SRGN: variants seen among roughly 807,000 people sequenced by gnomAD.
SRGN encodes hematopoetic proteoglycan core peptide.
SRGN carries 2 observed loss-of-function variants against 9.5 expected under a neutral mutation model. The ratio of observed to expected loss-of-function variants is 0.21; its 90% CI spans 0.09 to 0.66. The LOEUF (loss-of-function observed/expected upper bound fraction) is 0.66. Ranked by LOEUF, SRGN falls within the 30% of genes least tolerant of loss-of-function variation. The probability of loss-of-function intolerance (pLI) is 0.83; values close to 1 mark genes in which losing one functional copy is unlikely to be tolerated. For synonymous variants in SRGN, 59 were observed against 72.3 expected, an observed-to-expected ratio of 0.82 and a Z score of 0.93; for missense variants, 170 against 192.4, an observed-to-expected ratio of 0.88 and a Z score of 0.69.
chr10:69,103,915 A>G lies in SRGN; in HGVS notation c.272A>G (p.Glu91Gly), dbSNP rs772851292. The change falls in exon 3 of 3, where the codon GAG becomes GGG. Residue 91 changes from glutamate to glycine, a missense_variant. By Grantham distance (98) the Glu-to-Gly change is moderately conservative. Coordinates refer to ENST00000242465, the MANE Select transcript of SRGN (RefSeq NM_002727.4). ...TTGAATCGTATCTTCCCACTTTCTG[A>G]GGACTACTCTGGATCAGGCTTCGGC... ...QDLNRIFPLSEDYSGSGFGSG... is the reference protein window; with the variant it reads ...QDLNRIFPLSGDYSGSGFGSG... 1 of 1,614,190 alleles carries G rather than the reference A, an allele frequency of 6.2e-7. No homozygotes were observed. The highest frequency in any genetic ancestry group is 1.1e-5 in the South Asian group (1 of 91,088).
At chr10:69,097,955 C>T (rs1199438203) in intron 2 of SRGN, among the ~76,000 whole-genome samples, 5 of 152,156 alleles carry the variant, frequency 3.3e-5, no homozygotes, top group African/African-American at 9.7e-5. Context: ...TGTTTTGCTT[C>T]GAGCTCTTGC....
At chr10:69,097,605 T>G (rs1023664880) in intron 2 of SRGN, among the ~76,000 whole-genome samples, 4 of 152,114 alleles carry the variant, frequency 2.6e-5, no homozygotes, top group African/African-American at 7.2e-5. Flanking sequence ...TTTTTTGTAT[T>G]TTTAGTAGAG....
chr10:69,096,425 C>T (rs575474806), intron 1 of SRGN, among the ~76,000 whole-genome samples: 1 of 152,296 alleles, frequency 6.6e-6, no homozygotes, highest in South Asian at 2.1e-4. Context: ...AGGCTTATGA[C>T]ACTATTAGTA....
chr10:69,100,987 T>TTCTTTCTTTCTTTCTTTCTTTCTTTC lies in SRGN; in HGVS notation c.228-2883_228-2882insCTTTCTTTCTTTCTTTCTTTCTTTCT, dbSNP rs1251141705. ...AGTATTTTTTTCTTTCTTTCTTTCT[T>TTCTTTCTTTCTTTCTTTCTTTCTTTC]TTTTTTTTTTTTTTTACAGAGTCTC... On this transcript the variant is annotated intron_variant, in intron 2 of 2. Coordinates refer to ENST00000242465, the MANE Select transcript of SRGN (RefSeq NM_002727.4). Among the ~76,000 whole-genome samples, 98 of 142,520 alleles carry TTCTTTCTTTCTTTCTTTCTTTCTTTC rather than the reference T, an allele frequency of 6.9e-4. 1 individual carries two copies. Among genetic ancestry groups the TTCTTTCTTTCTTTCTTTCTTTCTTTC allele is most frequent in the African/African-American group, 2.7e-3 (97 of 35,732 alleles). The allele number at this position is 142,520 out of a possible 152,430, so 93.5% of individuals were successfully genotyped here.
At chr10:69,088,329 T>C in intron 1 of SRGN, 93 bp downstream of exon 1, 1 of 1,107,494 alleles carries the variant, frequency 9.0e-7, no homozygotes. Context: ...ATAGAATGTA[T>C]AATATTGTGA....
intron 1 of SRGN, among the ~76,000 whole-genome samples, chr10:69,096,790 C>T (rs1023196765): frequency 6.6e-6 from 1 of 152,076 alleles, no homozygotes; most frequent in Non-Finnish European, 1.5e-5. Context: ...AGCCTGGGCA[C>T]ATAGTGAGAC....
chr10:69,093,075 G>A (rs3998843), intron 1 of SRGN, among the ~76,000 whole-genome samples: 28,577 of 152,094 alleles, frequency 0.19, 3,303 homozygotes, highest in Non-Finnish European at 0.25. Flanking sequence ...CTTCCTGTGT[G>A]AGCAAACATT....
rs7377 is a variant in SRGN at position 69,104,641 on chromosome 10, G to T, written c.*521G>T. The T allele has an allele frequency of 0.063, 9,528 of 152,320 alleles. 348 individuals carry two copies. Among genetic ancestry groups the T allele is most frequent in the South Asian group, 0.14 (686 of 4,826 alleles). 9.4% of individuals were successfully genotyped at this position (152,320 alleles called of 1,614,324 possible). On this transcript the variant is annotated 3_prime_UTR_variant, in exon 3 of 3. Coordinates refer to ENST00000242465, the MANE Select transcript of SRGN (RefSeq NM_002727.4). ...TTTGAATGTGTTTGCAGAGCTAGTG[G>T]ATGTGTTTGTCTACAAGTATGATTG...
chr10:69,099,492 CA>C (rs1840247196), intron 2 of SRGN, among the ~76,000 whole-genome samples: 1 of 151,810 alleles, frequency 6.6e-6, no homozygotes, highest in Admixed American at 6.6e-5. Flanking sequence ...TTTGTAGAGA[CA>C]GGGGTCTCTG....
At chr10:69,103,732 AT>A in intron 2 of SRGN, 138 bp from the exon 3 acceptor site, 1 of 952,282 alleles carries the variant, frequency 1.1e-6, no homozygotes, top group Non-Finnish European at 1.5e-6. Context: ...ACATTGAATA[AT>A]TGGGAAGCTT....
At chr10:69,101,667 C>G (rs903175060) in intron 2 of SRGN, among the ~76,000 whole-genome samples, 1 of 152,136 alleles carries the variant, frequency 6.6e-6, no homozygotes, top group Non-Finnish European at 1.5e-5. Flanking sequence ...TTCCTCACCC[C>G]CTCTGTGGCT....
At chr10:69,092,346 C>G (rs1046560661) in intron 1 of SRGN, among the ~76,000 whole-genome samples, 2 of 152,192 alleles carry the variant, frequency 1.3e-5, no homozygotes, top group African/African-American at 4.8e-5. Flanking sequence ...GTAACTTGTT[C>G]TTTATTTTAA....
chr10:69,102,501 T>C (rs1485937959), intron 2 of SRGN, among the ~76,000 whole-genome samples: 1 of 152,244 alleles, frequency 6.6e-6, no homozygotes, highest in Non-Finnish European at 1.5e-5. Context: ...CAAATATTTA[T>C]TGAATGCGTA....
chr10:69,095,630 G>T (rs555394829), intron 1 of SRGN, among the ~76,000 whole-genome samples: 4 of 152,222 alleles, frequency 2.6e-5, no homozygotes, highest in South Asian at 2.1e-4. Flanking sequence ...TCCTATATAG[G>T]CCGGGCATGG....
intron 1 of SRGN, among the ~76,000 whole-genome samples, chr10:69,093,527 T>G (rs1461922433): frequency 1.3e-5 from 2 of 152,134 alleles, no homozygotes; most frequent in African/African-American, 4.8e-5. Flanking sequence ...GGAAGAGACG[T>G]CTAAGTAGCA....
upstream of SRGN, chr10:69,088,033 T>G: frequency 1.4e-6 from 1 of 724,454 alleles, no homozygotes; most frequent in South Asian, 1.6e-5. Flanking sequence ...TTCAGGAAAT[T>G]GTGACGTGTG....
Position 69,088,188 on chromosome 10 carries a change from C to T in SRGN, c.31C>T (p.Leu11Phe), listed in dbSNP as rs11548212. The T allele has an allele frequency of 1.7e-5, 28 of 1,614,040 alleles. No homozygotes were observed. Among genetic ancestry groups the T allele is most frequent in the Non-Finnish European group, 2.3e-5 (27 of 1,180,030 alleles). MMQKLLKCSR[L>F]VLALALILVL... ...GCAGAAGCTACTCAAATGCAGTCGG[C>T]TTGTCCTGGCTCTTGCCCTCATCCT... Residue 11 changes from leucine (L) to phenylalanine (F), a missense_variant, in exon 1 of 3, where the codon CTT becomes TTT. Leu to Phe is a conservative substitution (Grantham distance 22, BLOSUM62 0). Transcript: ENST00000242465.
intron 2 of SRGN, among the ~76,000 whole-genome samples, chr10:69,098,239 G>T (rs185454154): frequency 2.0e-5 from 3 of 152,278 alleles, no homozygotes; most frequent in Non-Finnish European, 1.5e-5. Flanking sequence ...ATATTATTGG[G>T]TCATAAAAAG....
Position 69,094,724 on chromosome 10 carries a change from G to A in SRGN, c.80-2360G>A, listed in dbSNP as rs186202650. Among the ~76,000 whole-genome samples the A allele has an allele frequency of 2.1e-3, 326 of 152,096 alleles. 1 individual carries two copies. The highest frequency in any genetic ancestry group is 7.4e-3 in the African/African-American group (308 of 41,510). On this transcript the variant is annotated intron_variant, in intron 1 of 2. Coordinates refer to ENST00000242465, the MANE Select transcript of SRGN (RefSeq NM_002727.4). ...CTGCCTCAGCCTCCTAAGTAGCTGGGACTGCAGATGTGTGCTACCACATCC... is the reference window on the plus strand; with the variant it reads ...CTGCCTCAGCCTCCTAAGTAGCTGGAACTGCAGATGTGTGCTACCACATCC...
Sources: gnomAD v4.1 joint callset for allele counts (sites outside exome capture counted in the v4.1 genomes callset) on GRCh38, gnomAD v4.1.1 for gene constraint, MANE v1.5 for transcripts, NCBI Gene and HGNC (gene_info 2026-07-23, HGNC 2026-07-21) for gene names.